CDH18: variants seen among roughly 807,000 people sequenced by gnomAD.
CDH18 encodes cadherin-18.
CDH18 carries 31 observed loss-of-function variants against 67.9 expected under a neutral mutation model. The ratio of observed to expected loss-of-function variants is 0.46; its 90% CI spans 0.34 to 0.62. The LOEUF is 0.62. Among genes scored for constraint, CDH18 ranks in the 20% least tolerant of loss-of-function variants. The probability of loss-of-function intolerance (pLI) is 0.01; values close to 1 mark genes in which losing one functional copy is unlikely to be tolerated. For missense variants in CDH18, 890 were observed against 975.5 expected (o/e 0.91, Z 1.17); for synonymous variants, 362 against 347.2 (o/e 1.04, Z -0.48).
At chr5:20,145,605 G>T (rs1253059768) in intron 2 of CDH18, among the ~76,000 whole-genome samples, 3 of 152,146 alleles carry the variant, frequency 2.0e-5, no homozygotes, top group Non-Finnish European at 4.4e-5. Flanking sequence ...CTAGACTGGT[G>T]TTTTACCAAA....
intron 2 of CDH18, among the ~76,000 whole-genome samples, chr5:19,939,718 G>A (rs1005671593): frequency 6.6e-6 from 1 of 151,712 alleles, no homozygotes; most frequent in Non-Finnish European, 1.5e-5. Context: ...ATAATGTAAA[G>A]CAAAGCTTTC....
chr5:19,611,329 G>T (rs1345574551), intron 6 of CDH18, among the ~76,000 whole-genome samples: 1 of 152,072 alleles, frequency 6.6e-6, no homozygotes, highest in Admixed American at 6.6e-5. Flanking sequence ...AAAGTGCTGT[G>T]CAAGAGGGAA....
chr5:19,813,608 G>T (rs1366898341), intron 3 of CDH18, among the ~76,000 whole-genome samples: 2 of 151,790 alleles, frequency 1.3e-5, no homozygotes, highest in Non-Finnish European at 2.9e-5. Context: ...AACTATTTTG[G>T]AACTTAACTT....
At chr5:20,363,317 T>G (rs973008938) in intron 1 of CDH18, among the ~76,000 whole-genome samples, 2 of 151,798 alleles carry the variant, frequency 1.3e-5, no homozygotes, top group African/African-American at 4.8e-5. Flanking sequence ...AAACCCCATC[T>G]CTACTAAAAA....
intron 2 of CDH18, among the ~76,000 whole-genome samples, chr5:19,851,938 T>G (rs185294104): frequency 2.6e-5 from 4 of 152,082 alleles, no homozygotes; most frequent in African/African-American, 9.6e-5. Flanking sequence ...ACAAAGGAAA[T>G]GTATGTATAG....
intron 2 of CDH18, among the ~76,000 whole-genome samples, chr5:20,017,706 T>C (rs1040891573): frequency 1.6e-4 from 24 of 152,182 alleles, no homozygotes; most frequent in Admixed American, 7.9e-4. Flanking sequence ...GCTTAGTTAC[T>C]TTAGCCTTGA....
intron 5 of CDH18, among the ~76,000 whole-genome samples, chr5:19,643,462 C>T (rs561115285): frequency 2.6e-5 from 4 of 151,986 alleles, no homozygotes; most frequent in South Asian, 4.1e-4. Flanking sequence ...ATAAAGAAAA[C>T]GTGGTTTATT....
intron 2 of CDH18, among the ~76,000 whole-genome samples, chr5:19,942,764 G>A (rs1192057711): frequency 6.6e-6 from 1 of 152,180 alleles, no homozygotes; most frequent in East Asian, 1.9e-4. Flanking sequence ...AGTGTGAGCA[G>A]AAAATAGAGG....
intron 2 of CDH18, among the ~76,000 whole-genome samples, chr5:20,229,805 T>G (rs934031819): frequency 1.1e-4 from 16 of 152,234 alleles, no homozygotes; most frequent in African/African-American, 3.4e-4. Flanking sequence ...GAGCCCAGAT[T>G]GGGATAATTT....
intron 1 of CDH18, among the ~76,000 whole-genome samples, chr5:20,300,084 T>TA (rs975399978): frequency 9.2e-5 from 14 of 151,478 alleles, no homozygotes; most frequent in East Asian, 7.8e-4. Flanking sequence ...GTGTGACACT[T>TA]AAAAAAAAAT....
Position 19,849,940 on chromosome 5 carries a change from A to G in CDH18, c.-256-10698T>C, listed in dbSNP as rs143675498. ...ATAGCATTGAAGTCATTTGTCTCAG[A>G]TGAAATTTGAGTACAGTTCTGTCTT... On this transcript the variant is annotated intron_variant, in intron 2 of 12. Transcript: ENST00000382275. Among the ~76,000 whole-genome samples the G allele has an allele frequency of 3.9e-4, 59 of 151,794 alleles. No individual in the cohort carries two copies. In the East Asian group the frequency reaches 4.3e-3, roughly 11 times the overall value.
chr5:20,364,870 T>C (rs1052252740), intron 1 of CDH18, among the ~76,000 whole-genome samples: 2 of 152,190 alleles, frequency 1.3e-5, no homozygotes, highest in African/African-American at 4.8e-5. Context: ...ATCCAACTTA[T>C]TAAGTTTGAT....
chr5:20,338,884 C>T (rs1044576270), intron 1 of CDH18, among the ~76,000 whole-genome samples: 3 of 152,138 alleles, frequency 2.0e-5, no homozygotes, highest in African/African-American at 7.2e-5. Context: ...GCAAAGACAC[C>T]AACAGTGGAG....
chr5:19,978,982 T>C (rs1798764270), intron 2 of CDH18, among the ~76,000 whole-genome samples: 1 of 152,150 alleles, frequency 6.6e-6, no homozygotes, highest in Non-Finnish European at 1.5e-5. Flanking sequence ...CCTACCATGC[T>C]AGCATTCAAG....
chr5:19,576,010 G>C (rs1025953214), intron 7 of CDH18, among the ~76,000 whole-genome samples: 1 of 152,084 alleles, frequency 6.6e-6, no homozygotes, highest in African/African-American at 2.4e-5. Flanking sequence ...AGAAGACTTT[G>C]GGTACTTTAT....
intron 1 of CDH18, among the ~76,000 whole-genome samples, chr5:20,549,763 A>C (rs567179212): frequency 1.3e-5 from 2 of 152,264 alleles, no homozygotes; most frequent in African/African-American, 4.8e-5. Context: ...GTTTTAATTC[A>C]AGGCAGTAGA....
intron 2 of CDH18, among the ~76,000 whole-genome samples, chr5:19,921,476 A>G (rs1056376286): frequency 6.6e-6 from 1 of 151,326 alleles, no homozygotes; most frequent in African/African-American, 2.4e-5. Context: ...GCTTGCAGTG[A>G]GCCGAGATCG....
At chr5:19,520,584 C>A (rs569502592) in intron 10 of CDH18, 73 bp downstream of exon 10, 3 of 1,347,840 alleles carry the variant, frequency 2.2e-6, no homozygotes, top group Admixed American at 5.3e-5. Flanking sequence ...GGGGATTATA[C>A]CTAAGAATAA....
intron 2 of CDH18, among the ~76,000 whole-genome samples, chr5:20,076,748 T>C (rs1743978363): frequency 6.6e-6 from 1 of 152,180 alleles, no homozygotes; most frequent in Non-Finnish European, 1.5e-5. Flanking sequence ...AAAAGGTAAA[T>C]ATTTTAGGAG....
Sources: allele counts gnomAD v4.1 joint callset (sites outside exome capture counted in the v4.1 genomes callset), GRCh38; gene constraint gnomAD v4.1.1; transcripts MANE v1.5; gene names NCBI Gene and HGNC (gene_info 2026-07-23, HGNC 2026-07-21).